MAGI3: variants seen among roughly 807,000 people sequenced by gnomAD.
The protein encoded by MAGI3 is membrane associated guanylate kinase, WW and PDZ domain containing 3, also known as membrane-associated guanylate kinase, WW and PDZ domain-containing protein 3.
MAGI3 carries 43 observed loss-of-function variants against 121.8 expected under a neutral mutation model. That is an observed-to-expected ratio of 0.35 (90% CI 0.28 to 0.46). The LOEUF (loss-of-function observed/expected upper bound fraction) is 0.46, where lower values mean the gene tolerates loss of function less well. MAGI3 is among the 20% of genes least tolerant of loss of function. The pLI is 1.00. For missense variants in MAGI3, 1,547 were observed against 1,797.3 expected (o/e 0.86, Z 2.52); for synonymous variants, 553 against 639.3 (o/e 0.86, Z 2.04).
intron 1 of MAGI3, among the ~76,000 whole-genome samples, chr1:113,460,540 T>C (rs190120058): frequency 6.6e-6 from 1 of 152,294 alleles, no homozygotes; most frequent in East Asian, 1.9e-4. Context: ...CCGGGCACGG[T>C]GGCTCACGCC....
intron 10 of MAGI3, among the ~76,000 whole-genome samples, chr1:113,642,767 C>CA (rs1652620461): frequency 1.3e-5 from 2 of 152,152 alleles, no homozygotes; most frequent in Non-Finnish European, 2.9e-5. Context: ...AAATCTGATT[C>CA]ATGGCTTTAA....
At chr1:113,592,708 T>C (rs1468224354) in intron 5 of MAGI3, among the ~76,000 whole-genome samples, 3 of 152,152 alleles carry the variant, frequency 2.0e-5, no homozygotes, top group Non-Finnish European at 4.4e-5. Flanking sequence ...TAAGCTATTA[T>C]TCAGCATATT....
intron 9 of MAGI3, among the ~76,000 whole-genome samples, chr1:113,635,786 G>A (rs1651971829): frequency 6.6e-6 from 1 of 151,954 alleles, no homozygotes; most frequent in African/African-American, 2.4e-5. Context: ...GATTGGAATA[G>A]TTTCAGAAGG....
intron 6 of MAGI3, among the ~76,000 whole-genome samples, chr1:113,612,709 A>G (rs1291074591): frequency 6.6e-6 from 1 of 152,206 alleles, no homozygotes; most frequent in Admixed American, 6.5e-5. Flanking sequence ...AAATGGCTGC[A>G]TTTGTTTGCC....
chr1:113,522,914 G>A (rs992294318), intron 1 of MAGI3, among the ~76,000 whole-genome samples: 10 of 152,168 alleles, frequency 6.6e-5, no homozygotes, highest in African/African-American at 2.4e-4. Flanking sequence ...GACAATGAAA[G>A]TATTTACTAT....
At chr1:113,416,927 G>C (rs1330195311) in intron 1 of MAGI3, among the ~76,000 whole-genome samples, 1 of 151,908 alleles carries the variant, frequency 6.6e-6, no homozygotes, top group Non-Finnish European at 1.5e-5. Context: ...AATAGTAAGG[G>C]TGATATTAGC....
intron 1 of MAGI3, among the ~76,000 whole-genome samples, chr1:113,488,656 C>T (rs1361428016): frequency 6.6e-6 from 1 of 152,202 alleles, no homozygotes; most frequent in Non-Finnish European, 1.5e-5. Context: ...TTTTGCTTTC[C>T]TTTGCCACAC....
At chr1:113,557,473 T>C (rs1354530133) in intron 2 of MAGI3, among the ~76,000 whole-genome samples, 1 of 152,098 alleles carries the variant, frequency 6.6e-6, no homozygotes, top group Non-Finnish European at 1.5e-5. Context: ...AGCGGGACTC[T>C]GATCCGCTCC....
At chr1:113,395,740 C>G (rs1418802175) in intron 1 of MAGI3, among the ~76,000 whole-genome samples, 1 of 151,816 alleles carries the variant, frequency 6.6e-6, no homozygotes, top group African/African-American at 2.4e-5. Flanking sequence ...ATTTTGGGTA[C>G]TTTATTGATC....
chr1:113,661,893 C>T (rs1653802410), intron 16 of MAGI3, among the ~76,000 whole-genome samples: 1 of 152,076 alleles, frequency 6.6e-6, no homozygotes, highest in African/African-American at 2.4e-5. Context: ...ACTATGAAAA[C>T]ATCCAGAATC....
At chr1:113,402,534 A>G (rs1184901772) in intron 1 of MAGI3, among the ~76,000 whole-genome samples, 1 of 152,086 alleles carries the variant, frequency 6.6e-6, no homozygotes, top group East Asian at 1.9e-4. Flanking sequence ...AGTTCCTGCT[A>G]TATGGTAGAC....
At chr1:113,461,113 C>A (rs994312007) in intron 1 of MAGI3, among the ~76,000 whole-genome samples, 16 of 152,172 alleles carry the variant, frequency 1.1e-4, no homozygotes, top group East Asian at 3.9e-4. Context: ...GCATTCCATG[C>A]TCATGGATAG....
intron 1 of MAGI3, among the ~76,000 whole-genome samples, chr1:113,542,765 GCACA>G (rs1047605287): frequency 6.6e-6 from 1 of 152,098 alleles, no homozygotes; most frequent in Non-Finnish European, 1.5e-5. Context: ...ATACGCGTGT[GCACA>G]CACACAAACA....
intron 1 of MAGI3, among the ~76,000 whole-genome samples, chr1:113,484,678 A>ATCCCC (rs1471711984): frequency 4.6e-4 from 2 of 4,306 alleles, no homozygotes; most frequent in Non-Finnish European, 8.0e-4. Context: ...CTCCCTTCCC[A>ATCCCC]TCCCCTCCCC....
In MAGI3 at chr1:113,390,903, TG is replaced by T. The variant is rs1334235313; in HGVS notation, c.-126del. The T allele has an allele frequency of 1.1e-5, 6 of 559,458 alleles. No homozygotes were observed. The highest frequency in any genetic ancestry group is 1.5e-5 in the Non-Finnish European group (6 of 393,884). The allele number at this position is 559,458 out of a possible 1,614,324, so 34.7% of individuals were successfully genotyped here. A position where few individuals can be genotyped will look rare whatever the true frequency, so the allele number is the denominator to read the frequency against. ...CCCCCAGCGGGCTGTGGTCGCGGGG[TG>T]GGGGCCGGAGCGGCGAGGCCCCCCT... On this transcript the variant is annotated 5_prime_UTR_variant, in exon 1 of 21. Transcript: ENST00000307546.
intron 1 of MAGI3, among the ~76,000 whole-genome samples, chr1:113,491,834 C>T (rs905536667): frequency 6.6e-6 from 1 of 152,094 alleles, no homozygotes; most frequent in Non-Finnish European, 1.5e-5. Flanking sequence ...AATTGAATCC[C>T]TGAACAGACA....
chr1:113,681,074 C>A, intron 19 of MAGI3, 124 bp from the exon 20 acceptor site: 1 of 1,058,592 alleles, frequency 9.4e-7, no homozygotes, highest in Non-Finnish European at 1.4e-6. Flanking sequence ...GTACTGGGTA[C>A]ACGTTAGGTA....
chr1:113,418,240 T>C (rs1652555214), intron 1 of MAGI3, among the ~76,000 whole-genome samples: 1 of 152,188 alleles, frequency 6.6e-6, no homozygotes, highest in Admixed American at 6.5e-5. Context: ...TTTTAGTGTC[T>C]GATAACTTCA....
Position 113,684,150 on chromosome 1 carries a change from G to A in MAGI3, c.*136G>A, listed in dbSNP as rs1378472512. The A allele has an allele frequency of 3.0e-6, 3 of 999,230 alleles. No individual in the cohort carries two copies. Among genetic ancestry groups the A allele is most frequent in the Non-Finnish European group, 4.2e-6 (3 of 716,896 alleles). The allele number at this position is 999,230 out of a possible 1,614,324, so 61.9% of individuals were successfully genotyped here. On this transcript the variant is annotated 3_prime_UTR_variant, in exon 21 of 21. Coordinates refer to ENST00000307546, the MANE Select transcript of MAGI3 (RefSeq NM_001142782.2). The stretch of plus-strand genomic sequence containing the variant: ...TTAATGTGAGCCTCAAGTTACCTAG[G>A]CTGCATGAAGGGCCTTTAGGATTGC...
Sources: gnomAD v4.1 joint callset for allele counts (sites outside exome capture counted in the v4.1 genomes callset) on GRCh38, gnomAD v4.1.1 for gene constraint, MANE v1.5 for transcripts, NCBI Gene and HGNC (gene_info 2026-07-23, HGNC 2026-07-21) for gene names.